C4orf50: variants seen among roughly 807,000 people sequenced by gnomAD.
C4orf50 encodes uncharacterized protein C4orf50.
In C4orf50, 80 loss-of-function variants were observed where a neutral mutation model predicts 77.2. The ratio of observed to expected loss-of-function variants is 1.04; its 90% CI spans 0.87 to 1.25. The LOEUF (loss-of-function observed/expected upper bound fraction) is 1.25, where lower values mean the gene tolerates loss of function less well. C4orf50 is among the 50% of genes most tolerant of loss of function. The pLI is 0.00. For synonymous variants in C4orf50, 532 were observed against 465.3 expected (o/e 1.14, Z -1.84); for missense variants, 1,257 against 1,152.9 (o/e 1.09, Z -1.31).
At chr4:5,953,491 A>G (rs1204122867), downstream of C4orf50, among the ~76,000 whole-genome samples, 3 of 152,220 alleles carry the variant, frequency 2.0e-5, no homozygotes, top group African/African-American at 7.2e-5. Context: ...CTAAAGGAGG[A>G]TCCAGGATGC....
chr4:5,917,249 G>A (rs1456058783), intron 7 of C4orf50, among the ~76,000 whole-genome samples: 2 of 152,132 alleles, frequency 1.3e-5, no homozygotes, highest in African/African-American at 4.8e-5. Context: ...GCCTGGGGCT[G>A]CAAAAGCTAG....
At chr4:5,995,794 G>A (rs1577981216) in intron 25 of C4orf50, among the ~76,000 whole-genome samples, 2 of 152,184 alleles carry the variant, frequency 1.3e-5, no homozygotes, top group Non-Finnish European at 2.9e-5. Context: ...ATTGACGAGT[G>A]CATTCATTCA....
At chr4:5,948,565 G>A (rs1718584300) in intron 7 of C4orf50, among the ~76,000 whole-genome samples, 2 of 152,182 alleles carry the variant, frequency 1.3e-5, no homozygotes, top group Admixed American at 1.3e-4. Flanking sequence ...GGGAGGCCGA[G>A]GCAGGCGGAT....
chr4:5,938,674 AT>A (rs756296333), intron 7 of C4orf50, among the ~76,000 whole-genome samples: 10 of 152,128 alleles, frequency 6.6e-5, no homozygotes, highest in Non-Finnish European at 1.5e-4. Flanking sequence ...TTTATATTTA[AT>A]TTGAACCTGT....
chr4:5,959,191 C>T, exon 34 of C4orf50: 1 of 676,254 alleles, frequency 1.5e-6, no homozygotes, highest in South Asian at 2.0e-5. Context: ...CAGAATTTGC[C>T]AGGCACAGGC....
intron 25 of C4orf50, among the ~76,000 whole-genome samples, chr4:5,995,551 G>T (rs1721538006): frequency 6.6e-6 from 1 of 151,022 alleles, no homozygotes; most frequent in South Asian, 2.1e-4. Context: ...GAGGGGCTGG[G>T]CACAGGTCTC....
Position 5,932,374 on chromosome 4 carries a change from T to C in C4orf50, c.*2474+24527A>G, listed in dbSNP as rs555065699. 6.6e-6 allele frequency among the ~76,000 whole-genome samples: 1 copy of C among 152,344 alleles called. No individual in the cohort carries two copies. The highest frequency in any genetic ancestry group is 1.9e-4 in the East Asian group (1 of 5,170). On this transcript the variant is annotated intron_variant, in intron 7 of 7. Transcript: ENST00000324058. This position sits in a 1 kb window ranked among gnomAD's most constrained non-coding sequence, Gnocchi z 4.2. ...GCGGACAGCTTGCCTGGTGCTGTCC[T>C]GGTGCCCAAGTCCTGAACCTGAGGT...
At chr4:5,975,924 G>A (rs781183559) in exon 30 of C4orf50, 3 of 1,613,886 alleles carry the variant, frequency 1.9e-6, no homozygotes, top group Admixed American at 3.3e-5. Flanking sequence ...TGCCAACTTT[G>A]CTTCATGTTG....
chr4:5,944,020 G>A (rs1206429491), intron 7 of C4orf50, among the ~76,000 whole-genome samples: 1 of 152,156 alleles, frequency 6.6e-6, no homozygotes, highest in Non-Finnish European at 1.5e-5. Context: ...GGCTCTTTGG[G>A]AGGCCTCTGG....
rs548612799 is a variant in C4orf50 at position 5,946,353 on chromosome 4, C to G, written c.*2474+10548G>C. Among the ~76,000 whole-genome samples, 4 of 152,266 alleles carry G rather than the reference C, an allele frequency of 2.6e-5. No individual in the cohort carries two copies. The South Asian group carries it at 6.2e-4, about 24-fold the overall frequency. Reference sequence around the variant, plus strand: ...AAACCCCTAGACCTTCAATGCACCCCCTGTGCTGAATATGATAAAAGATGT... The same window carrying G: ...AAACCCCTAGACCTTCAATGCACCCGCTGTGCTGAATATGATAAAAGATGT... On this transcript the variant is annotated intron_variant, in intron 7 of 7. Coordinates refer to the C4orf50 transcript ENST00000324058.
At position 5,905,923 on chromosome 4, in the gene C4orf50, C is replaced by CG. The variant is rs1260014481; in HGVS notation, c.*2475-7736dup. On this transcript the variant is annotated intron_variant, in intron 7 of 7. Transcript: ENST00000324058. The surrounding 1 kb of genome is among the most constrained non-coding windows in gnomAD (Gnocchi z 5.4). Reference sequence around the variant, plus strand: ...TATGCTAAGCACGGGGGCAGGGGGGCGGGGGGCAGAGGGACGGATGCCCTG... The same window carrying CG: ...TATGCTAAGCACGGGGGCAGGGGGGCGGGGGGGCAGAGGGACGGATGCCCTG... 1.6e-3 allele frequency among the ~76,000 whole-genome samples: 160 copies of CG among 97,860 alleles called. 1 individual carries two copies. The highest frequency in any genetic ancestry group is 8.3e-3 in the African/African-American group (152 of 18,226). 64.2% of individuals were successfully genotyped at this position (97,860 alleles called of 152,430 possible). A position where few individuals can be genotyped will look rare whatever the true frequency, so the allele number is the denominator to read the frequency against.
intron 27 of C4orf50, among the ~76,000 whole-genome samples, chr4:5,991,908 G>A (rs1033957331): frequency 1.3e-5 from 2 of 152,206 alleles, no homozygotes; most frequent in Admixed American, 1.3e-4. Context: ...GTCCTCTGTT[G>A]TCTTTGCCTT....
chr4:5,984,963 A>G (rs1436117882), intron 28 of C4orf50, among the ~76,000 whole-genome samples: 1 of 152,162 alleles, frequency 6.6e-6, no homozygotes, highest in Non-Finnish European at 1.5e-5. Context: ...AGGAAATTAT[A>G]AAAGCAGTCA....
At chr4:6,004,053 G>T (rs1722032578) in intron 25 of C4orf50, among the ~76,000 whole-genome samples, 1 of 122,520 alleles carries the variant, frequency 8.2e-6, no homozygotes, top group Non-Finnish European at 1.8e-5. Flanking sequence ...TGATGGTGAT[G>T]ATGGTGATGA....
intron 7 of C4orf50, chr4:5,903,845 C>G (rs994263386): frequency 1.3e-5 from 2 of 152,246 alleles, no homozygotes; most frequent in Middle Eastern, 3.4e-3. Flanking sequence ...AAGTATCCAG[C>G]TCAGTGGCAC....
chr4:5,982,651 G>A (rs558263054), intron 28 of C4orf50, among the ~76,000 whole-genome samples: 55 of 152,328 alleles, frequency 3.6e-4, no homozygotes, highest in African/African-American at 1.1e-3. Flanking sequence ...TTTCCATGGC[G>A]TGAATATTCC....
chr4:5,951,732 C>T (rs1448925559), intron 7 of C4orf50, among the ~76,000 whole-genome samples: 3 of 152,160 alleles, frequency 2.0e-5, no homozygotes, highest in Non-Finnish European at 4.4e-5. Context: ...CTACCGCCCT[C>T]CACACTTCCT....
rs780905476 is a variant in C4orf50 at position 5,970,636 on chromosome 4, A to G, written c.4104+3023T>C. On this transcript the variant is annotated intron_variant, in intron 31 of 33. Coordinates refer to ENST00000531445, the Ensembl canonical transcript of C4orf50. This position sits in a 1 kb window ranked among gnomAD's most constrained non-coding sequence, Gnocchi z 4.3. Reference sequence around the variant, plus strand: ...CCGACTCTGAGGCTCAATTTCCACCACGCACCCAAACCAGGACAAGAAAAG... The same window carrying G: ...CCGACTCTGAGGCTCAATTTCCACCGCGCACCCAAACCAGGACAAGAAAAG... 3.3e-5 allele frequency among the ~76,000 whole-genome samples: 5 copies of G among 152,202 alleles called. No homozygotes were observed. The highest frequency in any genetic ancestry group is 6.5e-5 in the Admixed American group (1 of 15,286).
exon 34 of C4orf50, chr4:5,957,978 A>G (rs1487536006): frequency 6.6e-6 from 1 of 152,258 alleles, no homozygotes; most frequent in African/African-American, 2.4e-5. Flanking sequence ...ACGTTAAAAT[A>G]AATCTATACA....
Sources: allele counts gnomAD v4.1 joint callset (sites outside exome capture counted in the v4.1 genomes callset), GRCh38; gene constraint gnomAD v4.1.1; non-coding constraint Gnocchi (gnomAD v3.1); transcripts MANE v1.5; gene names NCBI Gene and HGNC (gene_info 2026-07-23, HGNC 2026-07-21).